The following MAP3K5 variants were observed in gnomAD, a reference collection of about 807,000 sequenced individuals.
The protein encoded by MAP3K5 is mitogen-activated protein kinase kinase kinase 5.
MAP3K5 carries 56 observed loss-of-function variants against 158.7 expected under a neutral mutation model. The observed-to-expected ratio is 0.35, with a 90% CI of 0.28 to 0.44. MAP3K5 has a LOEUF of 0.44. Among genes scored for constraint, MAP3K5 ranks in the 20% least tolerant of loss-of-function variants. The pLI is 1.00. For synonymous variants in MAP3K5, 579 were observed against 601.7 expected, an observed-to-expected ratio of 0.96 and a Z score of 0.55; for missense variants, 1,294 against 1,674.8, an observed-to-expected ratio of 0.77 and a Z score of 3.97.
intron 1 of MAP3K5, among the ~76,000 whole-genome samples, chr6:136,790,526 G>A (rs4524621): frequency 6.6e-6 from 1 of 152,062 alleles, no homozygotes; most frequent in Non-Finnish European, 1.5e-5. Flanking sequence ...ATACCAGAAC[G>A]AGAAAGTCCT....
upstream of MAP3K5, among the ~76,000 whole-genome samples, chr6:136,792,867 C>T (rs1056762357): frequency 7.3e-4 from 111 of 152,328 alleles, no homozygotes; most frequent in African/African-American, 2.6e-3. This position sits in a 1 kb window ranked among gnomAD's most constrained non-coding sequence, Gnocchi z 5.7. Flanking sequence ...TCTGGCCACC[C>T]ACTCGTAGCG....
At chr6:136,700,314 G>A (rs945215631) in intron 3 of MAP3K5, among the ~76,000 whole-genome samples, 6 of 152,082 alleles carry the variant, frequency 3.9e-5, no homozygotes, top group African/African-American at 9.7e-5. Flanking sequence ...TGACCAGGTC[G>A]GCAGAGGTGG....
At chr6:136,558,208 C>G (rs1830338734) in intron 29 of MAP3K5, among the ~76,000 whole-genome samples, 1 of 152,092 alleles carries the variant, frequency 6.6e-6, no homozygotes, top group African/African-American at 2.4e-5. Context: ...GAAACCCCGT[C>G]TCTACTAAAA....
At chr6:136,657,692 T>C (rs920523270) in intron 9 of MAP3K5, among the ~76,000 whole-genome samples, 1 of 152,124 alleles carries the variant, frequency 6.6e-6, no homozygotes, top group Non-Finnish European at 1.5e-5. Flanking sequence ...ACAGAAACAC[T>C]AAAGAAGGGA....
chr6:136,658,021 TGAAAGATCACTGTGATCTTTA>T lies in MAP3K5; in HGVS notation c.1526+1177_1526+1197del, dbSNP rs1031343707. Among the ~76,000 whole-genome samples, 9 of 152,314 alleles carry T rather than the reference TGAAAGATCACTGTGATCTTTA, an allele frequency of 5.9e-5. 1 individual carries two copies. Among genetic ancestry groups the T allele is most frequent in the Middle Eastern group, 3.4e-3 (1 of 294 alleles). The stretch of plus-strand genomic sequence containing the variant: ...AGGAGAAGTGTCAGGTGTGCACTTT[TGAAAGATCACTGTGATCTTTA>T]GAAAGATCCCTGGGGAGGATTGGCT... On this transcript the variant is annotated intron_variant, in intron 9 of 29. Coordinates refer to ENST00000359015, the MANE Select transcript of MAP3K5 (RefSeq NM_005923.4).
At chr6:136,761,999 GCGTC>G (rs1230872456) in intron 1 of MAP3K5, among the ~76,000 whole-genome samples, 1 of 152,146 alleles carries the variant, frequency 6.6e-6, no homozygotes, top group Non-Finnish European at 1.5e-5. Flanking sequence ...AATGAGTAGA[GCGTC>G]TGTTCACCAA....
At position 136,558,810 on chromosome 6, in the gene MAP3K5, A is replaced by T; in HGVS notation, c.4054T>A (p.Leu1352Met). The T allele has an allele frequency of 6.3e-7, 1 of 1,595,840 alleles. No homozygotes were observed. The highest frequency in any genetic ancestry group is 1.1e-5 in the South Asian group (1 of 90,360). ...YYVTRDDLKC[L>M]RLRGGMLCTL... ...AAAGAAAAGTGGTACCTTAGTCTCA[A>T]GCATTTTAAGTCATCACGTGTAACA... Residue 1352 changes from leucine (L) to methionine (M), a missense_variant, in exon 29 of 30, where the codon TTG becomes ATG. Leu to Met is a conservative substitution (Grantham distance 15). This residue lies in a region of MAP3K5 where 199 missense variants were observed against 220.3 expected (regional missense o/e 0.90). Coordinates refer to ENST00000359015, the MANE Select transcript of MAP3K5 (RefSeq NM_005923.4).
intron 10 of MAP3K5, among the ~76,000 whole-genome samples, chr6:136,652,129 G>A (rs2114407150): frequency 6.6e-6 from 1 of 152,124 alleles, no homozygotes; most frequent in East Asian, 1.9e-4. Context: ...CACCCATAAG[G>A]AATTACAGAT....
intron 1 of MAP3K5, among the ~76,000 whole-genome samples, chr6:136,739,035 C>T (rs1201921314): frequency 6.6e-6 from 1 of 152,086 alleles, no homozygotes; most frequent in Non-Finnish European, 1.5e-5. Flanking sequence ...ATCAAATAAA[C>T]GTACAAAAAC....
At chr6:136,574,445 G>A (rs879911141) in intron 25 of MAP3K5, among the ~76,000 whole-genome samples, 3 of 152,138 alleles carry the variant, frequency 2.0e-5, no homozygotes, top group Non-Finnish European at 2.9e-5. Flanking sequence ...TGTTGATAGA[G>A]GAAGTATGCT....
rs1462598500 is a variant in MAP3K5 at position 136,770,803 on chromosome 6, T to C, written c.448+20907A>G. Among the ~76,000 whole-genome samples, 6 of 152,134 alleles carry C rather than the reference T, an allele frequency of 3.9e-5. No individual in the cohort carries two copies. The South Asian group carries it at 1.0e-3, about 26-fold the overall frequency. On this transcript the variant is annotated intron_variant, in intron 1 of 29. Transcript: ENST00000359015. ...CAAATGAATACTTCTCGGATATATGTATGAAGCAAGAATCTGCACTTAAAA... is the reference window on the plus strand; with the variant it reads ...CAAATGAATACTTCTCGGATATATGCATGAAGCAAGAATCTGCACTTAAAA...
At chr6:136,618,503 G>T (rs1025183286) in intron 15 of MAP3K5, among the ~76,000 whole-genome samples, 2 of 152,150 alleles carry the variant, frequency 1.3e-5, no homozygotes, top group African/African-American at 4.8e-5. Flanking sequence ...TAAACTACAG[G>T]GTGATTTTAA....
At chr6:136,763,663 T>C (rs1481950705) in intron 1 of MAP3K5, among the ~76,000 whole-genome samples, 2 of 152,218 alleles carry the variant, frequency 1.3e-5, no homozygotes, top group African/African-American at 4.8e-5. Flanking sequence ...CTCTATGACT[T>C]GGCTATCTGA....
intron 12 of MAP3K5, among the ~76,000 whole-genome samples, chr6:136,642,065 TAAAATAA>T (rs1777996534): frequency 7.1e-6 from 1 of 141,538 alleles, no homozygotes; most frequent in South Asian, 2.1e-4. Flanking sequence ...TAAAATAAAA[TAAAATAA>T]AATAAAATAA....
chr6:136,587,291 T>C (rs1775181861), intron 23 of MAP3K5, among the ~76,000 whole-genome samples: 2 of 152,190 alleles, frequency 1.3e-5, no homozygotes, highest in African/African-American at 4.8e-5. Flanking sequence ...TAATTACTTC[T>C]GATTGATTGT....
chr6:136,745,906 G>A (rs1037013696), intron 1 of MAP3K5, among the ~76,000 whole-genome samples: 3 of 152,122 alleles, frequency 2.0e-5, no homozygotes, highest in African/African-American at 7.2e-5. Context: ...TCATCCTAAC[G>A]TTAGCTTAAT....
At chr6:136,648,718 G>A (rs1384527309) in intron 11 of MAP3K5, among the ~76,000 whole-genome samples, 1 of 152,118 alleles carries the variant, frequency 6.6e-6, no homozygotes, top group Non-Finnish European at 1.5e-5. Context: ...ATAGCACCGG[G>A]ACTGGTGATT....
chr6:136,774,564 T>C (rs1417700316), intron 1 of MAP3K5, among the ~76,000 whole-genome samples: 3 of 152,236 alleles, frequency 2.0e-5, no homozygotes, highest in Non-Finnish European at 2.9e-5. Context: ...GATGACATCA[T>C]TGAATTGTAT....
At chr6:136,741,505 C>T (rs1782707365) in intron 1 of MAP3K5, among the ~76,000 whole-genome samples, 1 of 148,826 alleles carries the variant, frequency 6.7e-6, no homozygotes, top group African/African-American at 2.5e-5. Flanking sequence ...GTTCAAATAC[C>T]TACAAAAAAA....
Sources: allele counts gnomAD v4.1 joint callset (sites outside exome capture counted in the v4.1 genomes callset), GRCh38; gene constraint gnomAD v4.1.1; regional missense constraint gnomAD v4.1.1; non-coding constraint Gnocchi (gnomAD v3.1); transcripts MANE v1.5; gene names NCBI Gene and HGNC (gene_info 2026-07-23, HGNC 2026-07-21).